EPB41L4A: variants seen among roughly 807,000 people sequenced by gnomAD.
The protein encoded by EPB41L4A is erythrocyte membrane protein band 4.1 like 4A.
EPB41L4A carries 100 observed loss-of-function variants against 108.6 expected under a neutral mutation model. The observed-to-expected ratio is 0.92, with a 90% CI of 0.78 to 1.09. EPB41L4A has a LOEUF of 1.09. Ranked by LOEUF, EPB41L4A falls within the 50% of genes least tolerant of loss-of-function variation. The pLI is 0.00. For missense variants in EPB41L4A, 1,030 were observed against 842.7 expected (o/e 1.22, Z -2.75); for synonymous variants, 319 against 289.0 (o/e 1.10, Z -1.05).
chr5:112,378,392 T>C (rs1759955999), intron 1 of EPB41L4A, among the ~76,000 whole-genome samples: 1 of 152,228 alleles, frequency 6.6e-6, no homozygotes, highest in African/African-American at 2.4e-5. Flanking sequence ...AAATCTTTTC[T>C]ATCCGTCAGA....
intron 1 of EPB41L4A, among the ~76,000 whole-genome samples, chr5:112,350,074 C>T (rs996359848): frequency 2.0e-5 from 3 of 152,172 alleles, no homozygotes; most frequent in Admixed American, 6.5e-5. Context: ...ATAGAGCAGC[C>T]GCTAGCCACA....
chr5:112,371,056 A>G (rs926487915), intron 1 of EPB41L4A, among the ~76,000 whole-genome samples: 3 of 152,224 alleles, frequency 2.0e-5, no homozygotes, highest in Non-Finnish European at 2.9e-5. Context: ...GGTGGTGGAG[A>G]GACTGTAGAA....
chr5:112,333,360 TA>T (rs1756698542), intron 1 of EPB41L4A, among the ~76,000 whole-genome samples: 1 of 152,142 alleles, frequency 6.6e-6, no homozygotes. Context: ...ATGCTGACCT[TA>T]CCAGCCAATT....
chr5:112,285,191 T>C (rs1038686241), intron 2 of EPB41L4A, among the ~76,000 whole-genome samples: 2 of 152,190 alleles, frequency 1.3e-5, no homozygotes, highest in Non-Finnish European at 2.9e-5. Flanking sequence ...GAATGTTACA[T>C]TGACATTTAA....
intron 2 of EPB41L4A, among the ~76,000 whole-genome samples, chr5:112,304,723 A>G (rs1449814004): frequency 1.3e-5 from 2 of 152,154 alleles, no homozygotes; most frequent in African/African-American, 4.8e-5. Flanking sequence ...TCAACAGGAA[A>G]GGCCTTTTAC....
intron 1 of EPB41L4A, among the ~76,000 whole-genome samples, chr5:112,325,878 G>A (rs1459273318): frequency 6.6e-6 from 1 of 152,164 alleles, no homozygotes; most frequent in African/African-American, 2.4e-5. Context: ...GGGCACAGTG[G>A]CTCATGCCTG....
At chr5:112,405,856 C>T (rs1762043585) in intron 1 of EPB41L4A, among the ~76,000 whole-genome samples, 1 of 152,042 alleles carries the variant, frequency 6.6e-6, no homozygotes, top group Non-Finnish European at 1.5e-5. Context: ...AATGTCTCCC[C>T]ACCTAACAGT....
chr5:112,339,542 A>ATAGATATATATATT (rs371198329), intron 1 of EPB41L4A, among the ~76,000 whole-genome samples: 2 of 110,676 alleles, frequency 1.8e-5, no homozygotes, highest in African/African-American at 5.8e-5. Context: ...ATATATATAT[A>ATAGATATATATATT]TTTTTTTTTT....
At chr5:112,335,359 A>G (rs1188724480) in intron 1 of EPB41L4A, among the ~76,000 whole-genome samples, 1 of 152,234 alleles carries the variant, frequency 6.6e-6, no homozygotes, top group African/African-American at 2.4e-5. Context: ...ACAGAAAAAA[A>G]GTGAACCTAA....
intron 1 of EPB41L4A, among the ~76,000 whole-genome samples, chr5:112,410,614 CTCCT>C (rs1246943317): frequency 1.3e-5 from 2 of 152,104 alleles, no homozygotes; most frequent in African/African-American, 2.4e-5. Context: ...CACAACTCTC[CTCCT>C]TCCTTCCTGA....
At chr5:112,412,815 T>A (rs1762489413) in intron 1 of EPB41L4A, among the ~76,000 whole-genome samples, 1 of 152,210 alleles carries the variant, frequency 6.6e-6, no homozygotes, top group African/African-American at 2.4e-5. Flanking sequence ...GCCAGTTTGA[T>A]CTCTGACTTG....
chr5:112,172,517 A>G (rs1168667523), intron 18 of EPB41L4A, among the ~76,000 whole-genome samples: 5 of 152,022 alleles, frequency 3.3e-5, no homozygotes, highest in Non-Finnish European at 2.9e-5. Context: ...GTGCCAAAAA[A>G]AAAAAAAAAA....
intron 1 of EPB41L4A, among the ~76,000 whole-genome samples, chr5:112,324,612 A>C (rs1756020856): frequency 6.6e-6 from 1 of 151,626 alleles, no homozygotes; most frequent in African/African-American, 2.4e-5. Flanking sequence ...AGTCCCAGTG[A>C]CTCGGGAGGC....
At chr5:112,298,492 G>A (rs527318470) in intron 2 of EPB41L4A, among the ~76,000 whole-genome samples, 1 of 152,280 alleles carries the variant, frequency 6.6e-6, no homozygotes, top group African/African-American at 2.4e-5. Context: ...CACATGTATT[G>A]ACTTGTGTAT....
At chr5:112,361,631 CTTT>C in intron 1 of EPB41L4A, among the ~76,000 whole-genome samples, 1 of 149,666 alleles carries the variant, frequency 6.7e-6, no homozygotes, top group South Asian at 2.1e-4. Flanking sequence ...ACACTTTGAT[CTTT>C]AATTCTGTTA....
intron 1 of EPB41L4A, among the ~76,000 whole-genome samples, chr5:112,395,791 C>T (rs1283365375): frequency 1.3e-5 from 2 of 152,164 alleles, no homozygotes; most frequent in African/African-American, 4.8e-5. Flanking sequence ...AAGACTTATG[C>T]ACACTTATGT....
At chr5:112,402,426 G>A (rs1315650728) in intron 1 of EPB41L4A, among the ~76,000 whole-genome samples, 1 of 151,156 alleles carries the variant, frequency 6.6e-6, no homozygotes, top group African/African-American at 2.4e-5. Context: ...CTTTCACTTT[G>A]TGCTGAAAAC....
intron 1 of EPB41L4A, among the ~76,000 whole-genome samples, chr5:112,316,420 G>C (rs1490683946): frequency 6.6e-6 from 1 of 151,878 alleles, no homozygotes; most frequent in Non-Finnish European, 1.5e-5. Flanking sequence ...TTTAGCTTAG[G>C]CCATTACGAT....
intron 1 of EPB41L4A, among the ~76,000 whole-genome samples, chr5:112,371,034 A>G (rs980538237): frequency 1.2e-4 from 18 of 152,266 alleles, no homozygotes; most frequent in Non-Finnish European, 2.9e-5. Flanking sequence ...CTATGCACTA[A>G]GCACTATTTT....
Sources: gnomAD v4.1 joint callset for allele counts (sites outside exome capture counted in the v4.1 genomes callset) on GRCh38, gnomAD v4.1.1 for gene constraint, MANE v1.5 for transcripts, NCBI Gene and HGNC (gene_info 2026-07-23, HGNC 2026-07-21) for gene names.